Variants in CFI observed in about 807,000 individuals in gnomAD.
CFI encodes C3B/C4B inactivator.
CFI carries 66 observed loss-of-function variants against 78.8 expected under a neutral mutation model. The observed-to-expected ratio is 0.84, with a 90% confidence interval of 0.69 to 1.03. CFI has a LOEUF of 1.03. CFI is among the 50% of genes least tolerant of loss of function. The pLI, the probability that CFI is intolerant of heterozygous loss-of-function variation, is 0.00. For synonymous variants in CFI, 250 were observed against 232.6 expected, an observed-to-expected ratio of 1.07 and a Z score of -0.68; for missense variants, 706 against 704.5, an observed-to-expected ratio of 1.00 and a Z score of -0.02.
Position 109,761,649 on chromosome 4 carries a change from T to C in CFI, c.526A>G (p.Ile176Val), listed in dbSNP as rs1328173579. 3 of 1,613,736 alleles carry C rather than the reference T, an allele frequency of 1.9e-6. No individual in the cohort carries two copies. Among genetic ancestry groups the C allele is most frequent in the Non-Finnish European group, 2.5e-6 (3 of 1,179,812 alleles). The change falls in exon 4 of 13, where the codon ATA becomes GTA. Residue 176 changes from isoleucine (I) to valine (V), a missense_variant. Physicochemically the swap from Ile to Val is conservative, Grantham distance 29 (BLOSUM62 3). Coordinates refer to ENST00000394634, the MANE Select transcript of CFI (RefSeq NM_000204.5). ...ACATGTAGACATTCAGTGGAATTTA[T>C]AGAGAGATCAGACAACTTAAACCTT... Reference protein sequence around the residue: ...QRRFKLSDLSINSTECLHVHC... With the variant: ...QRRFKLSDLSVNSTECLHVHC...
At chr4:109,783,368 T>C (rs1025678088) in intron 1 of CFI, among the ~76,000 whole-genome samples, 9 of 151,940 alleles carry the variant, frequency 5.9e-5, no homozygotes, top group Non-Finnish European at 1.2e-4. Context: ...GCTAGGGACA[T>C]GGATAGACAA....
chr4:109,761,341 A>G (rs909126614), intron 4 of CFI, among the ~76,000 whole-genome samples, 176 bp downstream of exon 4: 1 of 152,340 alleles, frequency 6.6e-6, no homozygotes. Flanking sequence ...TTGAATGGCA[A>G]AATGGTACAA....
chr4:109,748,176 GTT>G (rs1393188538), intron 10 of CFI, among the ~76,000 whole-genome samples: 1 of 152,168 alleles, frequency 6.6e-6, no homozygotes, highest in Non-Finnish European at 1.5e-5. Flanking sequence ...GGAAGCTTTT[GTT>G]TATAGTGTTC....
At chr4:109,784,871 A>G (rs986723801) in intron 1 of CFI, among the ~76,000 whole-genome samples, 2 of 144,160 alleles carry the variant, frequency 1.4e-5, no homozygotes, top group South Asian at 2.2e-4. Flanking sequence ...GCACGTATAC[A>G]TCCAGATGGC....
In CFI at chr4:109,766,639, G is replaced by A; in HGVS notation, c.243C>T (p.Ser81=). The A allele has an allele frequency of 6.2e-7, 1 of 1,614,194 alleles. No homozygotes were observed. The highest frequency in any genetic ancestry group is 8.5e-7 in the Non-Finnish European group (1 of 1,180,012). Residue 81 remains serine (S), a synonymous_variant, in exon 2 of 13, where the codon AGC becomes AGT. Coordinates refer to ENST00000394634, the MANE Select transcript of CFI (RefSeq NM_000204.5). ...TCTTTTGTTGACAGTATGTTGGGAA[G>A]CTTCTCCTGTTAGTTGCACACACTG... ...GTAVCATNRR[S]FPTYCQQKSL...
Position 109,746,449 on chromosome 4 carries a change from T to C in CFI, c.1202A>G (p.His401Arg), listed in dbSNP as rs753959934. 3 of 1,613,858 alleles carry C rather than the reference T, an allele frequency of 1.9e-6. No individual in the cohort carries two copies. In the East Asian group the frequency reaches 6.7e-5, roughly 36 times the overall value. The change falls in exon 11 of 13, where the codon CAC (histidine) becomes CGC (arginine). Residue 401 changes from histidine to arginine, a missense_variant. His to Arg is a conservative substitution (Grantham distance 29). Transcript: ENST00000394634. ...QIWTTVVDWI[H>R]PDLKRIVIEY... ...AATTACTATACGTTTAAGGTCGGGGTGTATCCAGTCTACTACTGTTGTCCA... is the reference window on the plus strand; with the variant it reads ...AATTACTATACGTTTAAGGTCGGGGCGTATCCAGTCTACTACTGTTGTCCA...
the CFI span, among the ~76,000 whole-genome samples, chr4:109,732,591 C>T: frequency 6.6e-6 from 1 of 152,152 alleles, no homozygotes; most frequent in Admixed American, 6.5e-5. Flanking sequence ...GGTGCGGTGG[C>T]TCACGCCTGT....
chr4:109,741,044 G>C lies in CFI; in HGVS notation c.1601C>G (p.Ala534Gly). The change falls in exon 13 of 13, where the codon GCC (alanine) becomes GGC (glycine). Residue 534 changes from alanine to glycine, a missense_variant. Coordinates refer to ENST00000394634, the MANE Select transcript of CFI (RefSeq NM_000204.5). ...DSGGPLVCMD[A>G]NNVTYVWGVV... is the part of the protein sequence containing the mutation. Reference sequence around the variant, plus strand: ...ACCCCAGACATAAGTCACATTGTTGGCATCCATACAGACTAAGGGGCCTCC... The same window carrying C: ...ACCCCAGACATAAGTCACATTGTTGCCATCCATACAGACTAAGGGGCCTCC... 6.2e-7 allele frequency: 1 copy of C among 1,614,142 alleles called. No homozygotes were observed. The highest frequency in any genetic ancestry group is 1.7e-5 in the Admixed American group (1 of 60,012).
At chr4:109,761,811 G>T in intron 3 of CFI, 119 bp from the exon 4 acceptor site, 1 of 823,884 alleles carries the variant, frequency 1.2e-6, no homozygotes, top group Non-Finnish European at 2.0e-6. Context: ...AGGAGTTACA[G>T]CTTGGGCAAG....
chr4:109,796,724 G>A (rs975418130), intron 1 of CFI, among the ~76,000 whole-genome samples: 1 of 152,222 alleles, frequency 6.6e-6, no homozygotes, highest in Admixed American at 6.5e-5. Flanking sequence ...CTTGAGCACA[G>A]GAGGCGAAGA....
chr4:109,779,824 A>G (rs1729759291), intron 1 of CFI, among the ~76,000 whole-genome samples: 3 of 152,186 alleles, frequency 2.0e-5, no homozygotes, highest in African/African-American at 7.2e-5. Flanking sequence ...CTCAGAAATA[A>G]TACTACACAT....
At chr4:109,791,029 G>T (rs1271831200) in intron 1 of CFI, among the ~76,000 whole-genome samples, 1 of 152,130 alleles carries the variant, frequency 6.6e-6, no homozygotes, top group Non-Finnish European at 1.5e-5. Flanking sequence ...GCCACACTGT[G>T]TTCCACAATG....
At position 109,751,426 on chromosome 4, in the gene CFI, C is replaced by T. The variant is rs74285778; in HGVS notation, c.940+1042G>A. 3.8e-4 allele frequency among the ~76,000 whole-genome samples: 55 copies of T among 145,532 alleles called. No individual in the cohort carries two copies. The East Asian group carries it at 9.6e-3, about 25-fold the overall frequency. On this transcript the variant is annotated intron_variant, in intron 8 of 12. Transcript: ENST00000394634. ...GCCTTTTGACTAACATCTATAGCTT[C>T]GAGAGCTAAATCTTTTTTTTTTTTT... is the stretch of plus-strand genomic sequence containing the variant.
intron 8 of CFI, 42 bp from the exon 9 acceptor site, chr4:109,749,644 CA>C (rs1561288853): frequency 4.5e-6 from 6 of 1,344,578 alleles, no homozygotes; most frequent in Non-Finnish European, 6.4e-6. Context: ...ATCTTGAACC[CA>C]TTAGCGTTTT....
At chr4:109,744,756 C>T (rs1181507028) in intron 11 of CFI, among the ~76,000 whole-genome samples, 1 of 152,116 alleles carries the variant, frequency 6.6e-6, no homozygotes, top group Non-Finnish European at 1.5e-5. Flanking sequence ...CTAATTGCTC[C>T]ATTGAGACCC....
At chr4:109,751,654 TGGTCTTG>T (rs1477067915) in intron 8 of CFI, among the ~76,000 whole-genome samples, 2 of 152,122 alleles carry the variant, frequency 1.3e-5, no homozygotes, top group Admixed American at 6.5e-5. Context: ...TTGGCCAGGC[TGGTCTTG>T]AACTCCTGAC....
downstream of CFI, among the ~76,000 whole-genome samples, chr4:109,739,265 A>G (rs1208997672): frequency 6.6e-6 from 1 of 151,860 alleles, no homozygotes; most frequent in Non-Finnish European, 1.5e-5. Flanking sequence ...TTCAGGATAA[A>G]GATAGCTGTG....
At chr4:109,733,896 G>T in the CFI span, among the ~76,000 whole-genome samples, 1 of 152,232 alleles carries the variant, frequency 6.6e-6, no homozygotes, top group Non-Finnish European at 1.5e-5. Flanking sequence ...TTAGCTGGGC[G>T]CAGTGACTCA....
chr4:109,778,886 T>C (rs1729630033), intron 1 of CFI, among the ~76,000 whole-genome samples: 1 of 152,156 alleles, frequency 6.6e-6, no homozygotes, highest in Non-Finnish European at 1.5e-5. Context: ...AAAAACTACA[T>C]GATTATCTCA....
Sources: gnomAD v4.1 joint callset for allele counts (sites outside exome capture counted in the v4.1 genomes callset) on GRCh38, gnomAD v4.1.1 for gene constraint, MANE v1.5 for transcripts, NCBI Gene and HGNC (gene_info 2026-07-23, HGNC 2026-07-21) for gene names.